TBX2: variants seen among roughly 807,000 people sequenced by gnomAD.
TBX2 encodes T-box transcription factor 2.
TBX2 carries 19 observed loss-of-function variants against 48.4 expected under a neutral mutation model. The observed-to-expected ratio is 0.39, with a 90% CI of 0.27 to 0.58. TBX2 has a LOEUF of 0.58. Ranked by LOEUF, TBX2 falls within the 20% of genes least tolerant of loss-of-function variation. TBX2 has a pLI of 0.54. For missense variants in TBX2, 994 were observed against 1,006.5 expected (o/e 0.99, Z 0.17); for synonymous variants, 522 against 459.7 (o/e 1.14, Z -1.73).
At chr17:61,404,343 C>A in intron 3 of TBX2, 78 bp from the exon 4 acceptor site, 3 of 1,488,216 alleles carry the variant, frequency 2.0e-6, no homozygotes, top group Middle Eastern at 2.3e-4. Context: ...GCGGCCAGCA[C>A]CCGCTGACCT....
Position 61,403,885 on chromosome 17 carries a change from G to A in TBX2, c.811-536G>A, listed in dbSNP as rs1414706147. ...TGTCCGTGCCGGTCGTTGTGGCTTT[G>A]TGAACCAAGGTGTACGCTGGGCTGT... On this transcript the variant is annotated intron_variant, in intron 3 of 6. Transcript: ENST00000240328. This position sits in a 1 kb window ranked among gnomAD's most constrained non-coding sequence, Gnocchi z 5.8. 6.6e-6 allele frequency among the ~76,000 whole-genome samples: 1 copy of A among 152,190 alleles called. No individual in the cohort carries two copies. The highest frequency in any genetic ancestry group is 1.5e-5 in the Non-Finnish European group (1 of 68,042).
rs2060281632 is a variant in TBX2 at position 61,404,940 on chromosome 17, G to C, written c.1051+171G>C. On this transcript the variant is annotated intron_variant, in intron 5 of 6. Coordinates refer to ENST00000240328, the MANE Select transcript of TBX2 (RefSeq NM_005994.4). ...GACTCCCCTACGAGGGCGGTCCCCGGTAGCCAGAAGATCCGGCCGGACTCC... is the reference window on the plus strand; with the variant it reads ...GACTCCCCTACGAGGGCGGTCCCCGCTAGCCAGAAGATCCGGCCGGACTCC... 2.4e-6 allele frequency: 3 copies of C among 1,244,230 alleles called. No homozygotes were observed. The East Asian group carries it at 7.6e-5, about 31-fold the overall frequency. The allele number at this position is 1,244,230 out of a possible 1,614,324, so 77.1% of individuals were successfully genotyped here.
Position 61,405,734 on chromosome 17 carries a change from C to G in TBX2, c.1584C>G (p.Thr528=), listed in dbSNP as rs1458034863. The stretch of plus-strand genomic sequence containing the variant: ...ACGGCGGAGGTGGCGGGCCTGGGAC[C>G]GCCGCGGGGCTGGACGCAGGCGGGC... ...GGNGGGGGPG[T]AAGLDAGGLG... is the part of the protein sequence containing the mutation. The change falls in exon 6 of 7, where the codon ACC becomes ACG. Residue 528 remains threonine, a synonymous_variant. Coordinates refer to ENST00000240328, the MANE Select transcript of TBX2 (RefSeq NM_005994.4). 5.9e-6 allele frequency: 8 copies of G among 1,361,902 alleles called. No homozygotes were observed. Among genetic ancestry groups the G allele is most frequent in the Non-Finnish European group, 6.6e-6 (7 of 1,063,260 alleles). The allele number at this position is 1,361,902 out of a possible 1,614,324, so 84.4% of individuals were successfully genotyped here. A position where few individuals can be genotyped will look rare whatever the true frequency, so the allele number is the denominator to read the frequency against.
Position 61,400,654 on chromosome 17 carries a change from G to GGACTCCC in TBX2, c.395+85_395+91dup, listed in dbSNP as rs2060260540. On this transcript the variant is annotated intron_variant, in intron 1 of 6. Transcript: ENST00000240328. The surrounding 1 kb of genome is among the most constrained non-coding windows in gnomAD (Gnocchi z 9.2). ...ACTGCACGGATCAGAGCAGAGCTGG[G>GGACTCCC]GACTCCCGGCTCCCGGCTCCCGGCT... 1 of 1,368,024 alleles carries GGACTCCC rather than the reference G, an allele frequency of 7.3e-7. No homozygotes were observed. The allele number at this position is 1,368,024 out of a possible 1,614,324, so 84.7% of individuals were successfully genotyped here.
chr17:61,402,963 A>AGG lies in TBX2; in HGVS notation c.664-97_664-96insGG, dbSNP rs1569015389. The AGG allele has an allele frequency of 6.4e-3, 1,131 of 176,248 alleles. 67 individuals are homozygous for AGG. The highest frequency in any genetic ancestry group is 0.033 in the African/African-American group (534 of 16,212). 10.9% of individuals were successfully genotyped at this position (176,248 alleles called of 1,614,324 possible). A position where few individuals can be genotyped will look rare whatever the true frequency, so the allele number is the denominator to read the frequency against. On this transcript the variant is annotated intron_variant, in intron 2 of 6. Coordinates refer to ENST00000240328, the MANE Select transcript of TBX2 (RefSeq NM_005994.4). ...GAGAGAGAGAGAGAGAGAGAGAGAG[A>AGG]GAGAGAGAAAGTGGAGAGGAAGAGG...
In TBX2 at chr17:61,400,872, C is replaced by G. The variant is rs903516698; in HGVS notation, c.395+301C>G. Among the ~76,000 whole-genome samples, 1 of 152,248 alleles carries G rather than the reference C, an allele frequency of 6.6e-6. No homozygotes were observed. Among genetic ancestry groups the G allele is most frequent in the Non-Finnish European group, 1.5e-5 (1 of 68,038 alleles). ...GCGCAGAGGAGGCCCCGCGGCTTGG[C>G]CCTGGCGGTCTCCTCCGCCCCGCGC... On this transcript the variant is annotated intron_variant, in intron 1 of 6. Coordinates refer to ENST00000240328, the MANE Select transcript of TBX2 (RefSeq NM_005994.4). The surrounding 1 kb of genome is among the most constrained non-coding windows in gnomAD (Gnocchi z 9.2).
At chr17:61,401,610 A>G in intron 1 of TBX2, 74 bp from the exon 2 acceptor site, 1 of 1,530,744 alleles carries the variant, frequency 6.5e-7, no homozygotes, top group Non-Finnish European at 8.8e-7. Flanking sequence ...GGAGGGATAA[A>G]TAAAGGAGGA....
chr17:61,402,942 GAGAGAGAGAGAGAGAGAGAGAGAGAGAGA>G lies in TBX2; in HGVS notation c.664-117_664-89del, dbSNP rs1388431064. Reference sequence around the variant, plus strand: ...GAGGAAGAACCGATAGAGAGAGAGAGAGAGAGAGAGAGAGAGAGAGAGAGAGAGAAAGTGGAGAGGAAGAGGTCAGGTAC... The same window carrying G: ...GAGGAAGAACCGATAGAGAGAGAGAGAAGTGGAGAGGAAGAGGTCAGGTAC... On this transcript the variant is annotated intron_variant, in intron 2 of 6. Transcript: ENST00000240328. 2.5e-4 allele frequency: 243 copies of G among 982,068 alleles called. 10 individuals are homozygous for G. The highest frequency in any genetic ancestry group is 1.6e-3 in the South Asian group (84 of 51,724). 60.8% of individuals were successfully genotyped at this position (982,068 alleles called of 1,614,324 possible).
At position 61,406,303 on chromosome 17, in the gene TBX2, A is replaced by G. The variant is rs1309900752; in HGVS notation, c.1686+467A>G. 2 of 154,496 alleles carry G rather than the reference A, an allele frequency of 1.3e-5. No individual in the cohort carries two copies. Among genetic ancestry groups the G allele is most frequent in the Admixed American group, 6.5e-5 (1 of 15,312 alleles). The allele number at this position is 154,496 out of a possible 1,614,324, so 9.6% of individuals were successfully genotyped here. A position where few individuals can be genotyped will look rare whatever the true frequency, so the allele number is the denominator to read the frequency against. On this transcript the variant is annotated intron_variant, in intron 6 of 6. Coordinates refer to ENST00000240328, the MANE Select transcript of TBX2 (RefSeq NM_005994.4). This position sits in a 1 kb window ranked among gnomAD's most constrained non-coding sequence, Gnocchi z 5.7. ...CAAAGGGAGAAGGAACATTTGCATT[A>G]TTTTCTGGACAGTTGACCACCAGCC...
chr17:61,406,753 GTT>G lies in TBX2; in HGVS notation c.1686+918_1686+919del, dbSNP rs2060290797. ...GGGTTGGTGGGTGGGGGGGTGGGGG[GTT>G]GGGAGGCAGGCGATTCTGAAATGAG... On this transcript the variant is annotated intron_variant, in intron 6 of 6. Coordinates refer to ENST00000240328, the MANE Select transcript of TBX2 (RefSeq NM_005994.4). This position sits in a 1 kb window ranked among gnomAD's most constrained non-coding sequence, Gnocchi z 5.7. The G allele has an allele frequency of 2.6e-5, 2 of 78,058 alleles. No individual in the cohort carries two copies. Among genetic ancestry groups the G allele is most frequent in the African/African-American group, 9.5e-5 (2 of 21,066 alleles). The allele number at this position is 78,058 out of a possible 1,614,324, so 4.8% of individuals were successfully genotyped here.
Position 61,401,702 on chromosome 17 carries a change from C to T in TBX2, c.414C>T (p.Phe138=), listed in dbSNP as rs1336824235. The T allele has an allele frequency of 6.2e-7, 1 of 1,612,300 alleles. No homozygotes were observed. Among genetic ancestry groups the T allele is most frequent in the Non-Finnish European group, 8.5e-7 (1 of 1,179,608 alleles). Residue 138 remains phenylalanine, a synonymous_variant, in exon 2 of 7, where the codon TTC becomes TTT. Coordinates refer to ENST00000240328, the MANE Select transcript of TBX2 (RefSeq NM_005994.4). ...TKSGRRMFPP[F]KVRVSGLDKK... ...CTCCCAGGCGGATGTTCCCCCCCTTCAAGGTGCGAGTCAGCGGCCTGGACA... is the reference window on the plus strand; with the variant it reads ...CTCCCAGGCGGATGTTCCCCCCCTTTAAGGTGCGAGTCAGCGGCCTGGACA...
At position 61,408,519 on chromosome 17, in the gene TBX2, C is replaced by G. The variant is rs953163538; in HGVS notation, c.*13C>G. The G allele has an allele frequency of 5.2e-5, 74 of 1,434,862 alleles. No individual in the cohort carries two copies. The highest frequency in any genetic ancestry group is 6.6e-5 in the Non-Finnish European group (72 of 1,095,614). 88.9% of individuals were successfully genotyped at this position (1,434,862 alleles called of 1,614,324 possible). ...GTCGCCCAAGTGAGGGGCTGCCCAG[C>G]TGCTCCCCTGCCACGCAGGCCACCC... On this transcript the variant is annotated 3_prime_UTR_variant, in exon 7 of 7. Coordinates refer to ENST00000240328, the MANE Select transcript of TBX2 (RefSeq NM_005994.4).
Position 61,404,459 on chromosome 17 carries a change from G to A in TBX2, c.849G>A (p.Lys283=), listed in dbSNP as rs765607168. 1 of 1,612,088 alleles carries A rather than the reference G, an allele frequency of 6.2e-7. No individual in the cohort carries two copies. The highest frequency in any genetic ancestry group is 8.5e-7 in the Non-Finnish European group (1 of 1,179,362). Residue 283 remains lysine (K), a synonymous_variant, in exon 4 of 7, where the codon AAG becomes AAA. Coordinates refer to ENST00000240328, the MANE Select transcript of TBX2 (RefSeq NM_005994.4). ...QLKIDNNPFA[K]GFRDTGNGRR... ...AGATCGACAACAACCCGTTTGCCAAGGGCTTCCGGGACACCGGGAACGGCC... is the reference window on the plus strand; with the variant it reads ...AGATCGACAACAACCCGTTTGCCAAAGGCTTCCGGGACACCGGGAACGGCC...
In TBX2 at chr17:61,405,802, C is replaced by A; in HGVS notation, c.1652C>A (p.Pro551Gln). Residue 551 changes from proline to glutamine, a missense_variant, in exon 6 of 7, where the codon CCG becomes CAG. By Grantham distance (76) the Pro-to-Gln change is moderately conservative. Coordinates refer to ENST00000240328, the MANE Select transcript of TBX2 (RefSeq NM_005994.4). The part of the protein sequence containing the change: ...ASAASTAAPF[P>Q]FHLSQHMLAS... ...GCAGCAAGCACCGCCGCGCCCTTCC[C>A]GTTCCACCTCTCCCAGCACATGCTG... The A allele has an allele frequency of 7.5e-7, 1 of 1,329,510 alleles. No homozygotes were observed. The highest frequency in any genetic ancestry group is 9.6e-7 in the Non-Finnish European group (1 of 1,046,850). The allele number at this position is 1,329,510 out of a possible 1,614,324, so 82.4% of individuals were successfully genotyped here.
Position 61,406,061 on chromosome 17 carries a change from C to T in TBX2, c.1686+225C>T, listed in dbSNP as rs2060287832. The T allele has an allele frequency of 4.8e-6, 2 of 415,014 alleles. No homozygotes were observed. The highest frequency in any genetic ancestry group is 8.1e-6 in the Non-Finnish European group (2 of 245,466). 25.7% of individuals were successfully genotyped at this position (415,014 alleles called of 1,614,324 possible). On this transcript the variant is annotated intron_variant, in intron 6 of 6. Transcript: ENST00000240328. The surrounding 1 kb of genome is among the most constrained non-coding windows in gnomAD (Gnocchi z 5.7). ...TGGCCAGGGCGCCGCTTCTGACTCC[C>T]GTGTGACCTTTGGCAAGTCCCTGAC...
In TBX2 at chr17:61,408,397, C is replaced by T. The variant is rs61751978; in HGVS notation, c.2030C>T (p.Pro677Leu). ...GCCCCATCCCGCGGTGCCCTGTCGC[C>T]CAGTGGCTCGGCCAAGGAGGCGGCC... The part of the protein sequence containing the change: ...VGAPSRGALS[P>L]SGSAKEAANE... The change falls in exon 7 of 7, where the codon CCC (proline) becomes CTC (leucine). Residue 677 changes from proline (P) to leucine (L), a missense_variant. Coordinates refer to ENST00000240328, the MANE Select transcript of TBX2 (RefSeq NM_005994.4). 19,654 of 1,555,344 alleles carry T rather than the reference C, an allele frequency of 0.013. 187 individuals carry two copies. The highest frequency in any genetic ancestry group is 0.016 in the Non-Finnish European group (17,974 of 1,150,350).
chr17:61,403,203 A>G lies in TBX2; in HGVS notation c.806A>G (p.Asp269Gly). The G allele has an allele frequency of 6.2e-7, 1 of 1,612,998 alleles. No individual in the cohort carries two copies. The highest frequency in any genetic ancestry group is 8.5e-7 in the Non-Finnish European group (1 of 1,179,982). Residue 269 changes from aspartate (D) to glycine (G), a missense_variant, in exon 3 of 7, where the codon GAC (aspartate) becomes GGC (glycine). This residue lies in a region of TBX2 where 14 missense variants were observed against 43.4 expected (regional missense o/e 0.32). Transcript: ENST00000240328. The surrounding 1 kb of genome is among the most constrained non-coding windows in gnomAD (Gnocchi z 5.8). ...ATCGCCGTCACTGCCTACCAGAATG[A>G]CAAGGTGCGCGCGGCGGGCGGTGGG... ...DFIAVTAYQN[D>G]KITQLKIDNN...
chr17:61,400,247 TC>T lies in TBX2; in HGVS notation c.75del (p.Met26CysfsTer82). 8.3e-7 allele frequency: 1 copy of T among 1,210,128 alleles called. No individual in the cohort carries two copies. 75.0% of individuals were successfully genotyped at this position (1,210,128 alleles called of 1,614,324 possible). ...TTCCACGCGCCACGGCCCGCCGACT[TC>T]CCCATGTCCGCCTTTCTGGCGGCGG... ...HPFHAPRPAD[F>X]PMSAFLAAAQ... is the part of the protein sequence containing the mutation. On this transcript the variant is annotated frameshift_variant, in exon 1 of 7. Coordinates refer to ENST00000240328, the MANE Select transcript of TBX2 (RefSeq NM_005994.4). LOFTEE classifies it high-confidence loss of function. This position sits in a 1 kb window ranked among gnomAD's most constrained non-coding sequence, Gnocchi z 9.2.
At chr17:61,405,995 T>C (rs1603241736) in intron 6 of TBX2, 159 bp downstream of exon 6, 8 of 708,514 alleles carry the variant, frequency 1.1e-5, no homozygotes, top group African/African-American at 7.4e-5. Flanking sequence ...TTAGGACACC[T>C]GGGTTCTGAG....
Sources: allele counts gnomAD v4.1 joint callset (sites outside exome capture counted in the v4.1 genomes callset), GRCh38; gene constraint gnomAD v4.1.1; regional missense constraint gnomAD v4.1.1; non-coding constraint Gnocchi (gnomAD v3.1); transcripts MANE v1.5; gene names NCBI Gene and HGNC (gene_info 2026-07-23, HGNC 2026-07-21).